THSD7B: variants seen among roughly 807,000 people sequenced by gnomAD.
The protein encoded by THSD7B is thrombospondin type 1 domain containing 7B.
Under a neutral mutation model 213.6 loss-of-function variants are expected in THSD7B, and 138 were observed. The ratio of observed to expected loss-of-function variants is 0.65; its 90% CI spans 0.56 to 0.74. The LOEUF is 0.74. THSD7B is among the 30% of genes least tolerant of loss of function. The pLI is 0.00. For missense variants in THSD7B, 1,931 were observed against 1,991.5 expected (o/e 0.97, Z 0.58); for synonymous variants, 742 against 687.0 (o/e 1.08, Z -1.25).
At position 137,579,570 on chromosome 2, in the gene THSD7B, C is replaced by T. The variant is rs192016140; in HGVS notation, c.3423+7014C>T. On this transcript the variant is annotated intron_variant, in intron 17 of 27. Coordinates refer to ENST00000409968, the MANE Select transcript of THSD7B (RefSeq NM_001316349.2). ...CACACACACTGTTGATTCTGTATCT[C>T]TGGAGAACCCTAATATAGACGGGTT... Among the ~76,000 whole-genome samples the T allele has an allele frequency of 8.3e-4, 127 of 152,288 alleles. 1 individual carries two copies. The highest frequency in any genetic ancestry group is 2.9e-3 in the African/African-American group (122 of 41,556).
At chr2:137,429,739 CT>C (rs1381633445) in intron 14 of THSD7B, among the ~76,000 whole-genome samples, 2 of 152,032 alleles carry the variant, frequency 1.3e-5, no homozygotes, top group Non-Finnish European at 2.9e-5. Context: ...TTGACTAGTG[CT>C]GTGTGATTAG....
At chr2:137,400,529 A>T (rs1464231295) in intron 12 of THSD7B, among the ~76,000 whole-genome samples, 1 of 152,096 alleles carries the variant, frequency 6.6e-6, no homozygotes, top group Non-Finnish European at 1.5e-5. Context: ...CCTTGAATGC[A>T]GTTGTAGTAG....
intron 12 of THSD7B, among the ~76,000 whole-genome samples, chr2:137,305,504 A>T (rs1372146976): frequency 1.3e-5 from 2 of 152,114 alleles, no homozygotes; most frequent in East Asian, 3.9e-4. Flanking sequence ...TTAGAAGGGT[A>T]TCTTGAATAA....
chr2:136,777,105 C>T (rs927905204), intron 1 of THSD7B, among the ~76,000 whole-genome samples: 2 of 152,050 alleles, frequency 1.3e-5, no homozygotes, highest in Non-Finnish European at 2.9e-5. Flanking sequence ...AGAGGTTTCA[C>T]CAGTTGCAAA....
At chr2:137,630,451 A>G (rs1682720122) in intron 20 of THSD7B, among the ~76,000 whole-genome samples, 1 of 152,150 alleles carries the variant, frequency 6.6e-6, no homozygotes, top group Non-Finnish European at 1.5e-5. Flanking sequence ...TCCCCATTCT[A>G]GCCTTCCTGC....
chr2:137,446,464 T>C (rs143443686), intron 14 of THSD7B, among the ~76,000 whole-genome samples: 112 of 152,172 alleles, frequency 7.4e-4, no homozygotes, highest in African/African-American at 2.5e-3. Flanking sequence ...TAAATACCAC[T>C]GGTTGTAACA....
chr2:136,944,638 A>G (rs1684897335), intron 2 of THSD7B, among the ~76,000 whole-genome samples: 1 of 151,290 alleles, frequency 6.6e-6, no homozygotes, highest in African/African-American at 2.4e-5. Context: ...CCATTATGTA[A>G]TGGCCTTCTT....
chr2:137,204,597 A>T (rs1368779944), intron 7 of THSD7B, among the ~76,000 whole-genome samples: 1 of 152,152 alleles, frequency 6.6e-6, no homozygotes, highest in Non-Finnish European at 1.5e-5. Flanking sequence ...GAAGGACACC[A>T]TTTCAGAAAT....
At chr2:136,814,547 T>C (rs1010191245) in intron 1 of THSD7B, among the ~76,000 whole-genome samples, 2 of 151,990 alleles carry the variant, frequency 1.3e-5, no homozygotes, top group African/African-American at 2.4e-5. Context: ...TACAGGCGCC[T>C]GCCACCACGC....
intron 1 of THSD7B, among the ~76,000 whole-genome samples, chr2:136,799,665 A>G (rs975972686): frequency 6.6e-6 from 1 of 151,246 alleles, no homozygotes; most frequent in Non-Finnish European, 1.5e-5. Flanking sequence ...AGTTATGTAT[A>G]TTTTACACAT....
intron 2 of THSD7B, among the ~76,000 whole-genome samples, chr2:137,041,975 T>A (rs992613562): frequency 6.6e-6 from 1 of 152,218 alleles, no homozygotes; most frequent in Admixed American, 6.5e-5. Context: ...AGGCACATGT[T>A]CAGTGATTGT....
intron 12 of THSD7B, among the ~76,000 whole-genome samples, chr2:137,350,428 C>T (rs1684986783): frequency 2.0e-5 from 3 of 151,824 alleles, no homozygotes; most frequent in Middle Eastern, 3.4e-3. Context: ...GAAATAGAAC[C>T]GTTGTGGTTA....
chr2:137,490,433 CTTTTTTCT>C (rs1347728756), intron 15 of THSD7B, among the ~76,000 whole-genome samples: 1 of 152,050 alleles, frequency 6.6e-6, no homozygotes, highest in Non-Finnish European at 1.5e-5. Context: ...TTAAAAGTTA[CTTTTTTCT>C]TTTTTTAATT....
chr2:136,777,906 A>G (rs892741624), intron 1 of THSD7B, among the ~76,000 whole-genome samples: 21 of 152,214 alleles, frequency 1.4e-4, no homozygotes, highest in Non-Finnish European at 2.5e-4. Flanking sequence ...CCTAATACAC[A>G]GACATAATCC....
chr2:137,050,606 A>T (rs547148800), intron 2 of THSD7B, among the ~76,000 whole-genome samples: 5 of 152,368 alleles, frequency 3.3e-5, no homozygotes, highest in African/African-American at 1.2e-4. Flanking sequence ...CTATGGAATC[A>T]TGAACTACCT....
chr2:137,157,285 T>G (rs910531674), intron 5 of THSD7B, among the ~76,000 whole-genome samples: 1 of 152,144 alleles, frequency 6.6e-6, no homozygotes, highest in African/African-American at 2.4e-5. Context: ...TACAGAAAGC[T>G]GCCCATGGGG....
intron 26 of THSD7B, among the ~76,000 whole-genome samples, chr2:137,667,148 C>A (rs536600031): frequency 6.6e-6 from 1 of 152,200 alleles, no homozygotes; most frequent in South Asian, 2.1e-4. Context: ...ACTATAAACA[C>A]CTTAAAATAA....
chr2:137,074,238 C>G (rs950473922), intron 3 of THSD7B, among the ~76,000 whole-genome samples: 2 of 152,042 alleles, frequency 1.3e-5, no homozygotes, highest in African/African-American at 2.4e-5. Context: ...TTGTAGGTCA[C>G]TAAGGACTTG....
At chr2:137,659,161 C>A (rs17750257) in intron 24 of THSD7B, among the ~76,000 whole-genome samples, 4 of 152,078 alleles carry the variant, frequency 2.6e-5, no homozygotes, top group African/African-American at 9.7e-5. Context: ...TTCCAGTTGA[C>A]TTACATTTAA....
Sources: allele counts gnomAD v4.1 joint callset (sites outside exome capture counted in the v4.1 genomes callset), GRCh38; gene constraint gnomAD v4.1.1; transcripts MANE v1.5; gene names NCBI Gene and HGNC (gene_info 2026-07-23, HGNC 2026-07-21).